Variants in ABTB3 observed in about 807,000 individuals in gnomAD.
ABTB3 encodes the protein ankyrin repeat- and BTB/POZ domain-containing protein 3.
chr12:107,354,934 G>A, the ABTB3 span, among the ~76,000 whole-genome samples: 1 of 152,098 alleles, frequency 6.6e-6, no homozygotes, highest in Non-Finnish European at 1.5e-5. Flanking sequence ...ATAGCTTTTT[G>A]ACTCTGCCTT....
the ABTB3 span, chr12:107,640,274 C>A: frequency 8.2e-7 from 1 of 1,214,356 alleles, no homozygotes; most frequent in Non-Finnish European, 1.2e-6. Context: ...ATCCTTTTTT[C>A]CACTAAAGCT....
chr12:107,364,065 CA>C, the ABTB3 span, among the ~76,000 whole-genome samples: 1 of 152,042 alleles, frequency 6.6e-6, no homozygotes, highest in East Asian at 1.9e-4. Flanking sequence ...AGACAAATCC[CA>C]AATCTCAGAG....
At chr12:107,435,991 C>G in the ABTB3 span, among the ~76,000 whole-genome samples, 1 of 152,164 alleles carries the variant, frequency 6.6e-6, no homozygotes, top group Admixed American at 6.5e-5. Context: ...AGTAGCCATG[C>G]CTGACTAGTG....
chr12:107,448,779 T>G, the ABTB3 span, among the ~76,000 whole-genome samples: 1 of 152,046 alleles, frequency 6.6e-6, no homozygotes, highest in Admixed American at 6.5e-5. Flanking sequence ...TAGCTGGGAC[T>G]ACAGGCACCC....
chr12:107,379,334 T>C, the ABTB3 span, among the ~76,000 whole-genome samples: 3 of 152,234 alleles, frequency 2.0e-5, no homozygotes, highest in South Asian at 4.1e-4. Context: ...CCACGTGTCA[T>C]GGGAGGGACC....
the ABTB3 span, among the ~76,000 whole-genome samples, chr12:107,340,126 T>C: frequency 6.6e-6 from 1 of 152,218 alleles, no homozygotes; most frequent in Admixed American, 6.5e-5. Flanking sequence ...TTATGCTGAC[T>C]TCACATTAAG....
At chr12:107,550,764 G>A in the ABTB3 span, among the ~76,000 whole-genome samples, 1 of 151,780 alleles carries the variant, frequency 6.6e-6, no homozygotes, top group Non-Finnish European at 1.5e-5. Context: ...TGTATTTTTA[G>A]TAGAGACAGG....
the ABTB3 span, among the ~76,000 whole-genome samples, chr12:107,397,786 C>T: frequency 0.22 from 32,910 of 151,970 alleles, 3,720 homozygotes; most frequent in Admixed American, 0.29. Context: ...TTGTGTGTAG[C>T]GTGAGATGGG....
At chr12:107,632,314 AT>A in the ABTB3 span, among the ~76,000 whole-genome samples, 3 of 152,202 alleles carry the variant, frequency 2.0e-5, no homozygotes, top group African/African-American at 7.2e-5. Flanking sequence ...ATGGGTTCTT[AT>A]TGCTTCACTC....
chr12:107,520,720 C>T, the ABTB3 span: 9 of 1,528,134 alleles, frequency 5.9e-6, no homozygotes, highest in African/African-American at 4.1e-5. Flanking sequence ...CTCATGCCAA[C>T]CCCTCAGGGC....
the ABTB3 span, among the ~76,000 whole-genome samples, chr12:107,372,029 A>G: frequency 6.6e-6 from 1 of 152,234 alleles, no homozygotes; most frequent in Non-Finnish European, 1.5e-5. Flanking sequence ...TTTGTACCTT[A>G]TATGACAAAG....
At chr12:107,543,943 G>T in the ABTB3 span, 1 of 1,612,994 alleles carries the variant, frequency 6.2e-7, no homozygotes, top group Non-Finnish European at 8.5e-7. Context: ...AGGTGACCTG[G>T]TGTCCCGTGC....
chr12:107,450,535 C>T, the ABTB3 span, among the ~76,000 whole-genome samples: 1 of 151,988 alleles, frequency 6.6e-6, no homozygotes, highest in African/African-American at 2.4e-5. Context: ...GGGAAATACA[C>T]GATTATTAGG....
At chr12:107,460,865 G>A in the ABTB3 span, among the ~76,000 whole-genome samples, 3 of 152,062 alleles carry the variant, frequency 2.0e-5, no homozygotes, top group South Asian at 2.1e-4. Context: ...AGAATAGCAC[G>A]TCCCCCTGGA....
At chr12:107,656,382 G>A in the ABTB3 span, among the ~76,000 whole-genome samples, 1 of 152,108 alleles carries the variant, frequency 6.6e-6, no homozygotes, top group Non-Finnish European at 1.5e-5. Context: ...TTCTGTAAAG[G>A]GCCAGCTAAA....
At chr12:107,370,563 A>G in the ABTB3 span, among the ~76,000 whole-genome samples, 3 of 152,050 alleles carry the variant, frequency 2.0e-5, no homozygotes, top group Non-Finnish European at 4.4e-5. Flanking sequence ...CCCTGAAAAA[A>G]TAGATAAAAA....
chr12:107,341,931 T>G, the ABTB3 span, among the ~76,000 whole-genome samples: 1 of 152,152 alleles, frequency 6.6e-6, no homozygotes, highest in Admixed American at 6.5e-5. Flanking sequence ...TCTGCCATGA[T>G]TGGAAACTTG....
At chr12:107,620,108 G>A in the ABTB3 span, 4 of 1,614,208 alleles carry the variant, frequency 2.5e-6, no homozygotes, top group East Asian at 8.9e-5. Context: ...GGAATACACG[G>A]AGGAGCTCGT....
the ABTB3 span, among the ~76,000 whole-genome samples, chr12:107,392,661 C>T: frequency 6.6e-6 from 1 of 152,190 alleles, no homozygotes; most frequent in Non-Finnish European, 1.5e-5. Context: ...TTCTCCCCTT[C>T]CATAGGACTC....
Sources: allele counts gnomAD v4.1 joint callset (sites outside exome capture counted in the v4.1 genomes callset), GRCh38; gene constraint gnomAD v4.1.1; transcripts MANE v1.5; gene names NCBI Gene and HGNC (gene_info 2026-07-23, HGNC 2026-07-21).